STAC: variants seen among roughly 807,000 people sequenced by gnomAD.
STAC encodes the protein SH3 and cysteine-rich domain-containing protein.
STAC carries 43 observed loss-of-function variants against 48.8 expected under a neutral mutation model. The ratio of observed to expected loss-of-function variants is 0.88; its 90% CI spans 0.69 to 1.14. The LOEUF is 1.14. Ranked by LOEUF, STAC falls within the 50% of genes most tolerant of loss-of-function variation. The pLI, the probability that STAC is intolerant of heterozygous loss-of-function variation, is 0.00. For missense variants in STAC, 497 were observed against 504.0 expected, an observed-to-expected ratio of 0.99 and a Z score of 0.13; for synonymous variants, 193 against 179.5, an observed-to-expected ratio of 1.07 and a Z score of -0.60.
At chr3:36,532,280 G>C (rs764695275) in intron 10 of STAC, among the ~76,000 whole-genome samples, 1 of 152,126 alleles carries the variant, frequency 6.6e-6, no homozygotes, top group African/African-American at 2.4e-5. Flanking sequence ...TTTCACCCTG[G>C]TTTTACAGTT....
intron 2 of STAC, among the ~76,000 whole-genome samples, chr3:36,452,142 T>A (rs73831045): frequency 0.062 from 9,490 of 152,268 alleles, 582 homozygotes; most frequent in African/African-American, 0.16. Context: ...CAGTATCAGG[T>A]CTGTCCTTCA....
intron 8 of STAC, among the ~76,000 whole-genome samples, chr3:36,507,846 T>A (rs1698441414): frequency 6.6e-6 from 1 of 152,202 alleles, no homozygotes; most frequent in African/African-American, 2.4e-5. Flanking sequence ...TCTATCTATT[T>A]TGTTAATCTT....
intron 10 of STAC, among the ~76,000 whole-genome samples, chr3:36,544,642 T>C (rs1332064123): frequency 1.3e-5 from 2 of 152,174 alleles, no homozygotes; most frequent in Non-Finnish European, 2.9e-5. Flanking sequence ...TTTATTTATT[T>C]TATACTCTAA....
At chr3:36,411,910 T>G (rs1171495432) in intron 1 of STAC, among the ~76,000 whole-genome samples, 1 of 152,210 alleles carries the variant, frequency 6.6e-6, no homozygotes, top group East Asian at 1.9e-4. Flanking sequence ...CAGATTTAAC[T>G]TCTCACAATA....
At chr3:36,519,308 G>A (rs1429589231) in intron 8 of STAC, among the ~76,000 whole-genome samples, 7 of 152,188 alleles carry the variant, frequency 4.6e-5, no homozygotes, top group African/African-American at 2.4e-5. Context: ...GTGAATGGAC[G>A]CTTGGCTGTT....
chr3:36,457,129 C>T (rs923850640), intron 2 of STAC, among the ~76,000 whole-genome samples: 10 of 152,168 alleles, frequency 6.6e-5, no homozygotes, highest in African/African-American at 2.4e-4. Context: ...GAAAGTAAAA[C>T]TTTGTTCAGT....
intron 1 of STAC, among the ~76,000 whole-genome samples, chr3:36,390,709 G>T (rs1369357101): frequency 6.6e-6 from 1 of 151,880 alleles, no homozygotes; most frequent in Non-Finnish European, 1.5e-5. Flanking sequence ...CCAAGTTTCA[G>T]AAAATGAATT....
At chr3:36,419,855 A>G in intron 1 of STAC, among the ~76,000 whole-genome samples, 1 of 152,216 alleles carries the variant, frequency 6.6e-6, no homozygotes, top group East Asian at 1.9e-4. Context: ...CTGCTTCTTC[A>G]GCTCAGCCTG....
At chr3:36,398,410 GAGAGGGAAGGAA>G (rs1699915045) in intron 1 of STAC, among the ~76,000 whole-genome samples, 19 of 130,434 alleles carry the variant, frequency 1.5e-4, no homozygotes, top group Non-Finnish European at 2.9e-4. Flanking sequence ...AAGAGAAAGA[GAGAGGGAAGGAA>G]GGAAGGAAGG....
At chr3:36,422,099 T>A (rs1700463226) in intron 1 of STAC, among the ~76,000 whole-genome samples, 1 of 151,964 alleles carries the variant, frequency 6.6e-6, no homozygotes, top group Non-Finnish European at 1.5e-5. Context: ...CACTAGAGCA[T>A]TGATTGCTTT....
At chr3:36,526,336 T>C (rs1698935928) in intron 8 of STAC, among the ~76,000 whole-genome samples, 1 of 152,142 alleles carries the variant, frequency 6.6e-6, no homozygotes, top group East Asian at 1.9e-4. Flanking sequence ...ACCCTATCCC[T>C]TGAGTCTGAA....
At chr3:36,441,131 C>G (rs914578186) in intron 1 of STAC, among the ~76,000 whole-genome samples, 6 of 152,050 alleles carry the variant, frequency 3.9e-5, no homozygotes, top group Admixed American at 2.6e-4. Flanking sequence ...CTATTTGAAA[C>G]TATATAATGT....
chr3:36,398,983 CAAG>C (rs772218970), intron 1 of STAC, among the ~76,000 whole-genome samples: 19 of 152,194 alleles, frequency 1.2e-4, no homozygotes, highest in Non-Finnish European at 2.4e-4. Flanking sequence ...GAGGGCTGAA[CAAG>C]AATGTGGTCT....
intron 1 of STAC, 59 bp downstream of exon 1, chr3:36,380,813 A>C (rs1441229942): frequency 7.3e-7 from 1 of 1,370,042 alleles, no homozygotes; most frequent in Non-Finnish European, 1.0e-6. Flanking sequence ...CTGTCGGTCC[A>C]GCTTTGTCTC....
intron 2 of STAC, among the ~76,000 whole-genome samples, chr3:36,481,006 A>T (rs1697631270): frequency 6.6e-6 from 1 of 152,194 alleles, no homozygotes; most frequent in African/African-American, 2.4e-5. Context: ...TGGGAGAAAA[A>T]GTAAGAGGAA....
intron 1 of STAC, among the ~76,000 whole-genome samples, chr3:36,422,882 A>G (rs1175702119): frequency 6.6e-6 from 1 of 152,156 alleles, no homozygotes; most frequent in Non-Finnish European, 1.5e-5. Flanking sequence ...TCATTCCAGT[A>G]TTGTTTGTAA....
rs191571946 is a variant in STAC, at chr3:36,525,995, T to A, written c.921-2701T>A. Among the ~76,000 whole-genome samples the A allele has an allele frequency of 1.4e-3, 218 of 152,298 alleles. 1 individual carries two copies. Among genetic ancestry groups the A allele is most frequent in the Middle Eastern group, 3.4e-3 (1 of 294 alleles). The stretch of plus-strand genomic sequence containing the variant: ...AACATGTCAGAAAATACATTTTTTT[T>A]AACACATCTATAACAGTACTAGAAA... On this transcript the variant is annotated intron_variant, in intron 8 of 10. Coordinates refer to ENST00000273183, the MANE Select transcript of STAC (RefSeq NM_003149.3).
chr3:36,523,488 T>C (rs1698853262), intron 8 of STAC, among the ~76,000 whole-genome samples: 3 of 152,216 alleles, frequency 2.0e-5, no homozygotes, highest in African/African-American at 4.8e-5. Context: ...GCAAAGGAAA[T>C]GTTTTTTAAG....
intron 5 of STAC, among the ~76,000 whole-genome samples, chr3:36,490,726 A>G (rs1697946280): frequency 1.3e-5 from 2 of 152,212 alleles, no homozygotes. Flanking sequence ...TGAACATGTC[A>G]GCCTCCTCAT....
Sources: allele counts gnomAD v4.1 joint callset (sites outside exome capture counted in the v4.1 genomes callset), GRCh38; gene constraint gnomAD v4.1.1; transcripts MANE v1.5; gene names NCBI Gene and HGNC (gene_info 2026-07-23, HGNC 2026-07-21).